CTNNA2: variants seen among roughly 807,000 people sequenced by gnomAD.
CTNNA2 encodes catenin alpha-2.
CTNNA2 carries 42 observed loss-of-function variants against 101.0 expected under a neutral mutation model. That is an observed-to-expected ratio of 0.42 (90% CI 0.32 to 0.54). The LOEUF (loss-of-function observed/expected upper bound fraction) is 0.54, where lower values mean the gene tolerates loss of function less well. Among genes scored for constraint, CTNNA2 ranks in the 20% least tolerant of loss-of-function variants. The pLI is 0.14. For synonymous variants in CTNNA2, 450 were observed against 456.4 expected (o/e 0.99, Z 0.18); for missense variants, 871 against 1,223.1 (o/e 0.71, Z 4.29).
intron 7 of CTNNA2, among the ~76,000 whole-genome samples, chr2:79,923,651 A>G (rs1026775100): frequency 6.6e-6 from 1 of 152,134 alleles, no homozygotes; most frequent in African/African-American, 2.4e-5. Context: ...TAACTATTGT[A>G]CTGTGTAACT....
intron 1 of CTNNA2, among the ~76,000 whole-genome samples, chr2:79,521,078 A>AT (rs1304997526): frequency 1.5e-5 from 2 of 135,686 alleles, no homozygotes; most frequent in African/African-American, 5.5e-5. Flanking sequence ...TTTGAAAGTT[A>AT]CCCCTTTGAG....
intron 7 of CTNNA2, among the ~76,000 whole-genome samples, chr2:80,114,390 A>G (rs1027372767): frequency 6.6e-6 from 1 of 152,224 alleles, no homozygotes; most frequent in Non-Finnish European, 1.5e-5. Flanking sequence ...AAACACAGGT[A>G]TCAAATACAT....
At chr2:79,829,106 T>G (rs1313020685) in intron 3 of CTNNA2, among the ~76,000 whole-genome samples, 1 of 152,176 alleles carries the variant, frequency 6.6e-6, no homozygotes, top group African/African-American at 2.4e-5. Context: ...AGTTGAGATC[T>G]GACCACTTGA....
chr2:79,758,332 T>A (rs1422348892), intron 3 of CTNNA2, among the ~76,000 whole-genome samples: 1 of 152,202 alleles, frequency 6.6e-6, no homozygotes, highest in African/African-American at 2.4e-5. Context: ...CTGATGTCAG[T>A]GACTTGATGC....
At chr2:79,300,964 C>T (rs562165188) in intron 2 of CTNNA2, among the ~76,000 whole-genome samples, 5 of 152,266 alleles carry the variant, frequency 3.3e-5, no homozygotes, top group African/African-American at 9.6e-5. Flanking sequence ...TGTGCCAACA[C>T]CATTTCTTGT....
chr2:80,006,728 A>G (rs771784870), intron 7 of CTNNA2, among the ~76,000 whole-genome samples: 2 of 152,168 alleles, frequency 1.3e-5, no homozygotes, highest in Non-Finnish European at 2.9e-5. Context: ...TCTTGTGGGC[A>G]CTACCCTATT....
intron 7 of CTNNA2, among the ~76,000 whole-genome samples, chr2:79,976,864 A>G (rs1296100301): frequency 6.6e-6 from 1 of 152,156 alleles, no homozygotes; most frequent in African/African-American, 2.4e-5. Flanking sequence ...TTAAAGAAAA[A>G]GGGAAAGCCT....
chr2:80,317,656 A>G (rs541292269), intron 7 of CTNNA2, among the ~76,000 whole-genome samples: 1 of 152,256 alleles, frequency 6.6e-6, no homozygotes, highest in East Asian at 1.9e-4. Flanking sequence ...CCCTTCTACC[A>G]TCTGTTGCTG....
rs1473819042 is a variant in CTNNA2, at chr2:79,869,686, C to T, written c.466-130C>T. The stretch of plus-strand genomic sequence containing the variant: ...ACATGATTGTTAGAGGAACTCTTCT[C>T]CTATTTTTTCATTTACATGTTAACA... On this transcript the variant is annotated intron_variant, in intron 4 of 18. Transcript: ENST00000402739. 2.6e-6 allele frequency: 3 copies of T among 1,145,934 alleles called. No homozygotes were observed. The African/African-American group carries it at 4.7e-5, about 18-fold the overall frequency. 71.0% of individuals were successfully genotyped at this position (1,145,934 alleles called of 1,614,324 possible).
chr2:80,312,510 G>C (rs948760886), intron 7 of CTNNA2, among the ~76,000 whole-genome samples: 2 of 152,212 alleles, frequency 1.3e-5, no homozygotes, highest in African/African-American at 4.8e-5. Flanking sequence ...TACTGATTAG[G>C]ACTAGTGGGA....
At chr2:80,068,066 G>A (rs1342929378) in intron 7 of CTNNA2, among the ~76,000 whole-genome samples, 1 of 152,164 alleles carries the variant, frequency 6.6e-6, no homozygotes, top group African/African-American at 2.4e-5. Flanking sequence ...TAAATCGCAG[G>A]GTAATTTGAC....
chr2:80,455,271 G>C (rs554293780), intron 9 of CTNNA2, among the ~76,000 whole-genome samples: 16 of 152,202 alleles, frequency 1.1e-4, no homozygotes, highest in African/African-American at 3.9e-4. Context: ...GTCTGGCGTA[G>C]AGCCACTGGG....
At chr2:79,292,271 A>G (rs914938640) in intron 2 of CTNNA2, among the ~76,000 whole-genome samples, 1 of 152,186 alleles carries the variant, frequency 6.6e-6, no homozygotes, top group African/African-American at 2.4e-5. Context: ...CCAGGGCTAC[A>G]CTGAATTCCC....
chr2:80,318,797 G>A (rs145672257), intron 7 of CTNNA2, among the ~76,000 whole-genome samples: 123 of 152,208 alleles, frequency 8.1e-4, no homozygotes, highest in Middle Eastern at 3.4e-3. Context: ...AGAGTGTTAG[G>A]TTAGGATTCT....
intron 9 of CTNNA2, among the ~76,000 whole-genome samples, chr2:80,467,169 A>G (rs964040501): frequency 6.6e-6 from 1 of 152,228 alleles, no homozygotes; most frequent in African/African-American, 2.4e-5. Context: ...TGGTAGAGCT[A>G]TGATTCAGAC....
intron 6 of CTNNA2, among the ~76,000 whole-genome samples, chr2:79,881,702 T>C (rs1243726638): frequency 1.3e-5 from 2 of 151,758 alleles, no homozygotes; most frequent in Non-Finnish European, 2.9e-5. Context: ...ATGTGTGTCT[T>C]TGCATGCGAG....
intron 9 of CTNNA2, among the ~76,000 whole-genome samples, chr2:80,427,379 T>C (rs1681088286): frequency 6.6e-6 from 1 of 152,238 alleles, no homozygotes; most frequent in Non-Finnish European, 1.5e-5. Context: ...CGAGGCTCCC[T>C]GAGTTGAATT....
At chr2:80,180,476 G>T (rs1705704350) in intron 7 of CTNNA2, among the ~76,000 whole-genome samples, 1 of 152,182 alleles carries the variant, frequency 6.6e-6, no homozygotes, top group African/African-American at 2.4e-5. Flanking sequence ...CTTTGCATCT[G>T]CTGTCCATTA....
intron 4 of CTNNA2, among the ~76,000 whole-genome samples, chr2:79,501,343 C>A (rs1368639470): frequency 2.0e-5 from 3 of 152,108 alleles, no homozygotes; most frequent in Non-Finnish European, 2.9e-5. Flanking sequence ...GTCTTAAATT[C>A]CTGGCCTCTT....
Sources: allele counts gnomAD v4.1 joint callset (sites outside exome capture counted in the v4.1 genomes callset), GRCh38; gene constraint gnomAD v4.1.1; transcripts MANE v1.5; gene names NCBI Gene and HGNC (gene_info 2026-07-23, HGNC 2026-07-21).